The following CACNB2 variants were observed in gnomAD, a reference collection of about 807,000 sequenced individuals.
The protein encoded by CACNB2 is voltage-dependent L-type calcium channel subunit beta-2.
Under a neutral mutation model 73.3 loss-of-function variants are expected in CACNB2, and 42 were observed. The observed-to-expected ratio is 0.57, with a 90% CI of 0.45 to 0.74. The LOEUF is 0.74. Among genes scored for constraint, CACNB2 ranks in the 30% least tolerant of loss-of-function variants. The probability of loss-of-function intolerance (pLI) is 0.00; values close to 1 mark genes in which losing one functional copy is unlikely to be tolerated. For missense variants in CACNB2, 940 were observed against 853.0 expected (o/e 1.10, Z -1.27); for synonymous variants, 348 against 310.3 (o/e 1.12, Z -1.28).
Position 18,364,821 on chromosome 10 carries a change from C to T in CACNB2, c.214-37103C>T, listed in dbSNP as rs530463622. Among the ~76,000 whole-genome samples the T allele has an allele frequency of 5.3e-5, 8 of 152,156 alleles. No individual in the cohort carries two copies. In the East Asian group the frequency reaches 5.8e-4, roughly 11 times the overall value. ...TTCTGCCAAAATGTCATTTTCCATGCGATATTTCTTCCTTCATTATTCTTT... is the reference window on the plus strand; with the variant it reads ...TTCTGCCAAAATGTCATTTTCCATGTGATATTTCTTCCTTCATTATTCTTT... On this transcript the variant is annotated intron_variant, in intron 2 of 13. Coordinates refer to ENST00000324631, the MANE Select transcript of CACNB2 (RefSeq NM_201596.3).
At chr10:18,261,104 C>G in intron 2 of CACNB2, 1 of 1,475,622 alleles carries the variant, frequency 6.8e-7, no homozygotes, top group Non-Finnish European at 9.0e-7. Flanking sequence ...CCTGCAGGAA[C>G]GGTGGCTTTT....
intron 3 of CACNB2, among the ~76,000 whole-genome samples, chr10:18,407,630 C>G (rs907036174): frequency 6.6e-6 from 1 of 152,000 alleles, no homozygotes; most frequent in Non-Finnish European, 1.5e-5. Context: ...ATTTCTTCCC[C>G]TATATTGTCC....
At chr10:18,180,112 A>T (rs1483928780) in intron 2 of CACNB2, among the ~76,000 whole-genome samples, 1 of 152,186 alleles carries the variant, frequency 6.6e-6, no homozygotes, top group East Asian at 1.9e-4. Context: ...GAGAACTCCG[A>T]GGCCATATAA....
intron 3 of CACNB2, among the ~76,000 whole-genome samples, chr10:18,419,628 C>G (rs182101794): frequency 6.6e-6 from 1 of 152,180 alleles, no homozygotes; most frequent in East Asian, 1.9e-4. Flanking sequence ...GTCCAGACCC[C>G]AAGAGCGGGT....
rs57139534 is a variant in CACNB2 at position 18,496,185 on chromosome 10, C to CAAAAAAA, written c.334-2155_334-2149dup. Among the ~76,000 whole-genome samples, 200 of 83,996 alleles carry CAAAAAAA rather than the reference C, an allele frequency of 2.4e-3. 7 individuals are homozygous for CAAAAAAA. Among genetic ancestry groups the CAAAAAAA allele is most frequent in the South Asian group, 0.02 (42 of 2,056 alleles). The allele number at this position is 83,996 out of a possible 152,430, so 55.1% of individuals were successfully genotyped here. ...TGGGCATCACAGTGAGACTCAGTCT[C>CAAAAAAA]AAAAAAAAAAAAAAAAAAAAATTAC... is the stretch of plus-strand genomic sequence containing the variant. On this transcript the variant is annotated intron_variant, in intron 3 of 13. Coordinates refer to ENST00000324631, the MANE Select transcript of CACNB2 (RefSeq NM_201596.3).
chr10:18,369,816 A>G (rs1157983680), intron 2 of CACNB2, among the ~76,000 whole-genome samples: 4 of 152,208 alleles, frequency 2.6e-5, no homozygotes, highest in Admixed American at 2.6e-4. Flanking sequence ...CTGAGGCAGG[A>G]GAATCACTTG....
intron 2 of CACNB2, among the ~76,000 whole-genome samples, chr10:18,163,367 C>T (rs1043065908): frequency 3.3e-5 from 5 of 152,052 alleles, no homozygotes; most frequent in African/African-American, 4.8e-5. Flanking sequence ...GGAATGTTTA[C>T]GTGTTTGTTG....
intron 2 of CACNB2, among the ~76,000 whole-genome samples, chr10:18,351,960 A>G (rs919536710): frequency 3.9e-5 from 6 of 152,192 alleles, no homozygotes; most frequent in African/African-American, 1.4e-4. Flanking sequence ...CAAATGTTCT[A>G]CACTCCTGCT....
At chr10:18,308,435 C>T (rs1043338608) in intron 2 of CACNB2, among the ~76,000 whole-genome samples, 35 of 152,132 alleles carry the variant, frequency 2.3e-4, no homozygotes, top group African/African-American at 8.0e-4. Context: ...GCCCTCTAGG[C>T]GATTTTTCAA....
chr10:18,217,219 C>T (rs1217969985), intron 2 of CACNB2, among the ~76,000 whole-genome samples: 2 of 152,144 alleles, frequency 1.3e-5, no homozygotes, highest in Admixed American at 6.5e-5. Context: ...CAAGCTGGCT[C>T]ACACCTGTAA....
intron 3 of CACNB2, among the ~76,000 whole-genome samples, chr10:18,430,759 A>C (rs2045852093): frequency 6.6e-6 from 1 of 152,230 alleles, no homozygotes; most frequent in Admixed American, 6.5e-5. Flanking sequence ...GAAACTATTA[A>C]GAGGGGTAGA....
intron 3 of CACNB2, among the ~76,000 whole-genome samples, chr10:18,439,208 T>A (rs892623405): frequency 3.3e-5 from 5 of 152,210 alleles, no homozygotes; most frequent in African/African-American, 1.2e-4. Flanking sequence ...GTGTCTGCAT[T>A]TCACGAGATG....
intron 12 of CACNB2, among the ~76,000 whole-genome samples, chr10:18,536,544 G>A (rs576069617): frequency 5.0e-4 from 76 of 151,916 alleles, no homozygotes; most frequent in Admixed American, 9.8e-4. Flanking sequence ...TTACAAGCAT[G>A]AGCTGCCATG....
intron 2 of CACNB2, among the ~76,000 whole-genome samples, chr10:18,245,091 T>TC (rs10660840): frequency 6.6e-6 from 1 of 151,320 alleles, no homozygotes; most frequent in Non-Finnish European, 1.5e-5. Context: ...TGGATTTTTT[T>TC]TTTTTCCCCA....
Position 18,352,635 on chromosome 10 carries a change from A to G in CACNB2, c.214-49289A>G, listed in dbSNP as rs117532013. Among the ~76,000 whole-genome samples the G allele has an allele frequency of 4.6e-5, 7 of 152,352 alleles. No homozygotes were observed. The East Asian group carries it at 1.3e-3, about 29-fold the overall frequency. On this transcript the variant is annotated intron_variant, in intron 2 of 13. Transcript: ENST00000324631. ...TAGATGTCATTTTTCAAAAGTGCGT[A>G]CTTAATTGTTATATGAATTACAAGG...
intron 3 of CACNB2, among the ~76,000 whole-genome samples, chr10:18,431,659 G>T (rs1340726248): frequency 2.6e-5 from 4 of 152,214 alleles, no homozygotes; most frequent in African/African-American, 9.6e-5. Flanking sequence ...GGAAGTTAAC[G>T]GAGATGAAAT....
intron 3 of CACNB2, among the ~76,000 whole-genome samples, chr10:18,472,987 T>C (rs1475039629): frequency 6.6e-6 from 1 of 152,224 alleles, no homozygotes; most frequent in Non-Finnish European, 1.5e-5. Context: ...GAATACATTC[T>C]CTCTTTCTTC....
intron 2 of CACNB2, among the ~76,000 whole-genome samples, chr10:18,234,591 T>C (rs2036356448): frequency 6.6e-6 from 1 of 152,232 alleles, no homozygotes; most frequent in Non-Finnish European, 1.5e-5. Context: ...GAAGACATTA[T>C]GTGAAGTGAA....
intron 2 of CACNB2, among the ~76,000 whole-genome samples, chr10:18,224,796 C>T (rs539848406): frequency 1.3e-5 from 2 of 152,286 alleles, no homozygotes; most frequent in Admixed American, 6.5e-5. Flanking sequence ...CGAGCCAAAT[C>T]GAAGTCATGC....
Sources: gnomAD v4.1 joint callset for allele counts (sites outside exome capture counted in the v4.1 genomes callset) on GRCh38, gnomAD v4.1.1 for gene constraint, MANE v1.5 for transcripts, NCBI Gene and HGNC (gene_info 2026-07-23, HGNC 2026-07-21) for gene names.